The following PDE4D variants were observed in gnomAD, a reference collection of about 807,000 sequenced individuals.
The protein encoded by PDE4D is 3',5'-cyclic-AMP phosphodiesterase 4D.
Under a neutral mutation model 87.4 loss-of-function variants are expected in PDE4D, and 24 were observed. The ratio of observed to expected loss-of-function variants is 0.27; its 90% CI spans 0.20 to 0.39. The LOEUF is 0.39. Among genes scored for constraint, PDE4D ranks in the 10% least tolerant of loss-of-function variants. PDE4D has a pLI of 1.00. For missense variants in PDE4D, 714 were observed against 1,041.0 expected (o/e 0.69, Z 4.32); for synonymous variants, 384 against 383.2 (o/e 1.00, Z -0.02).
chr5:60,282,267 A>AAGACT, intron 1 of PDE4D, among the ~76,000 whole-genome samples: 1 of 146,836 alleles, frequency 6.8e-6, no homozygotes, highest in Admixed American at 6.8e-5. Context: ...TTTGTCAGGC[A>AAGACT]AGACTATTCA....
upstream of PDE4D, chr5:60,489,607 T>G (rs1749415305): frequency 6.6e-6 from 1 of 152,190 alleles, no homozygotes; most frequent in South Asian, 2.1e-4. Context: ...GGGAAGAATA[T>G]TTCTGCTCTG....
intron 1 of PDE4D, among the ~76,000 whole-genome samples, chr5:59,786,668 A>T (rs1265939987): frequency 2.6e-5 from 4 of 152,186 alleles, no homozygotes; most frequent in African/African-American, 9.7e-5. Context: ...GTACATGAAC[A>T]TTTCCTCATG....
chr5:59,841,809 A>T (rs1179241815), intron 1 of PDE4D, among the ~76,000 whole-genome samples: 1 of 152,016 alleles, frequency 6.6e-6, no homozygotes, highest in Non-Finnish European at 1.5e-5. Context: ...GAGGTAAAGG[A>T]CTCTCTAGGC....
chr5:59,056,653 T>G (rs61288498), intron 5 of PDE4D, among the ~76,000 whole-genome samples: 7 of 151,836 alleles, frequency 4.6e-5, no homozygotes, highest in Non-Finnish European at 8.8e-5. Flanking sequence ...CCTGTGTCCA[T>G]GTGTTCTCAT....
intron 5 of PDE4D, among the ~76,000 whole-genome samples, chr5:59,120,522 A>G (rs1041559009): frequency 5.9e-5 from 9 of 152,198 alleles, no homozygotes; most frequent in African/African-American, 2.2e-4. Context: ...CATTTTTAAA[A>G]AAATTGATAA....
intron 1 of PDE4D, among the ~76,000 whole-genome samples, chr5:59,620,960 G>C (rs1322200826): frequency 6.6e-6 from 1 of 151,932 alleles, no homozygotes; most frequent in Non-Finnish European, 1.5e-5. Context: ...TGTATTGTCA[G>C]ACTTCTTTCT....
intron 5 of PDE4D, among the ~76,000 whole-genome samples, chr5:59,086,696 TA>T (rs1767756586): frequency 1.3e-5 from 2 of 152,188 alleles, no homozygotes; most frequent in South Asian, 4.1e-4. Flanking sequence ...CTGCAGTTTT[TA>T]CTATCTTATG....
At chr5:59,577,841 T>C (rs1335923759) in intron 1 of PDE4D, among the ~76,000 whole-genome samples, 2 of 152,176 alleles carry the variant, frequency 1.3e-5, no homozygotes, top group Non-Finnish European at 2.9e-5. Context: ...TTTAATAATA[T>C]CCCTTAACTT....
At position 60,420,969 on chromosome 5, in the gene PDE4D, G is replaced by A. The variant is rs553625087; in HGVS notation, c.-90+66973C>T. The stretch of plus-strand genomic sequence containing the variant: ...TCTGAGATTGACCTGCGAGGCAGCA[G>A]CCTGGTGGGGGGAGGGGTGTTCACC... On this transcript the variant is annotated intron_variant, in intron 1 of 16. Transcript: ENST00000502484. Among the ~76,000 whole-genome samples the A allele has an allele frequency of 2.6e-5, 4 of 152,342 alleles. No homozygotes were observed. In the South Asian group the frequency reaches 6.2e-4, roughly 24 times the overall value.
At chr5:59,006,920 G>A (rs1359024542) in intron 6 of PDE4D, among the ~76,000 whole-genome samples, 1 of 152,150 alleles carries the variant, frequency 6.6e-6, no homozygotes, top group Non-Finnish European at 1.5e-5. Context: ...AAGTTGTCTT[G>A]CTCAAGGTCA....
intron 1 of PDE4D, among the ~76,000 whole-genome samples, chr5:59,844,346 A>T (rs1278113639): frequency 6.6e-6 from 1 of 152,134 alleles, no homozygotes; most frequent in African/African-American, 2.4e-5. Context: ...TAGTCTTTTA[A>T]GATATGCATA....
intron 2 of PDE4D, among the ~76,000 whole-genome samples, chr5:59,209,091 C>T (rs1749485996): frequency 1.3e-5 from 2 of 152,274 alleles, no homozygotes; most frequent in African/African-American, 4.8e-5. Flanking sequence ...TACTCTAGAG[C>T]ACATCAGATA....
chr5:59,065,200 G>A (rs553629206), intron 5 of PDE4D, among the ~76,000 whole-genome samples: 1 of 151,750 alleles, frequency 6.6e-6, no homozygotes, highest in South Asian at 2.1e-4. Flanking sequence ...TGGAACTGGA[G>A]GACATCATGC....
intron 3 of PDE4D, among the ~76,000 whole-genome samples, chr5:59,188,581 A>G (rs1232242597): frequency 6.6e-6 from 1 of 152,166 alleles, no homozygotes; most frequent in Non-Finnish European, 1.5e-5. Context: ...AATGGTTTCG[A>G]GGATTGTTTT....
At chr5:60,388,013 G>A (rs1201732014) in intron 1 of PDE4D, among the ~76,000 whole-genome samples, 2 of 152,142 alleles carry the variant, frequency 1.3e-5, no homozygotes, top group Non-Finnish European at 2.9e-5. Flanking sequence ...GAACTCAGGG[G>A]AACACTTTTA....
chr5:59,819,795 G>C (rs1402875714), intron 1 of PDE4D, among the ~76,000 whole-genome samples: 1 of 152,174 alleles, frequency 6.6e-6, no homozygotes, highest in East Asian at 1.9e-4. Context: ...GGGAGAGGAG[G>C]TGGTAAAAAA....
At chr5:59,361,433 G>C (rs1331627125) in intron 1 of PDE4D, among the ~76,000 whole-genome samples, 1 of 152,128 alleles carries the variant, frequency 6.6e-6, no homozygotes, top group African/African-American at 2.4e-5. Flanking sequence ...CTCTGTATAT[G>C]AAGATTTTAA....
intron 1 of PDE4D, among the ~76,000 whole-genome samples, chr5:60,203,287 T>A (rs1037826484): frequency 2.6e-5 from 4 of 152,152 alleles, no homozygotes; most frequent in African/African-American, 9.7e-5. Flanking sequence ...ATAAATTAAA[T>A]ACTTAACAAT....
At chr5:59,390,842 TAC>T (rs1788095183) in intron 1 of PDE4D, among the ~76,000 whole-genome samples, 1 of 152,110 alleles carries the variant, frequency 6.6e-6, no homozygotes, top group African/African-American at 2.4e-5. Flanking sequence ...CTAGATGAGT[TAC>T]AGAGGGTGGT....
Sources: gnomAD v4.1 joint callset for allele counts (sites outside exome capture counted in the v4.1 genomes callset) on GRCh38, gnomAD v4.1.1 for gene constraint, MANE v1.5 for transcripts, NCBI Gene and HGNC (gene_info 2026-07-23, HGNC 2026-07-21) for gene names.